MDN1: variants seen among roughly 807,000 people sequenced by gnomAD.
MDN1 encodes midasin.
In MDN1, 266 loss-of-function variants were observed where a neutral mutation model predicts 669.2. That is an observed-to-expected ratio of 0.40 (90% CI 0.36 to 0.44). The LOEUF (loss-of-function observed/expected upper bound fraction) is 0.44, where lower values mean the gene tolerates loss of function less well. Ranked by LOEUF, MDN1 falls within the 20% of genes least tolerant of loss-of-function variation. MDN1 has a pLI of 1.00. For missense variants in MDN1, 5,940 were observed against 6,754.0 expected, an observed-to-expected ratio of 0.88 and a Z score of 4.22; for synonymous variants, 2,385 against 2,457.1, an observed-to-expected ratio of 0.97 and a Z score of 0.87.
chr6:89,712,830 G>T, intron 47 of MDN1, 44 bp from the exon 48 acceptor site: 1 of 1,566,040 alleles, frequency 6.4e-7, no homozygotes, highest in Non-Finnish European at 8.8e-7. Context: ...CAACATAAAA[G>T]TGATATTCCC....
At chr6:89,747,501 G>A (rs1178200207) in intron 26 of MDN1, 31 bp from the exon 27 acceptor site, 1 of 1,598,598 alleles carries the variant, frequency 6.3e-7, no homozygotes, top group Non-Finnish European at 8.5e-7. Context: ...ATGAAAAGGG[G>A]CATCAGCTGC....
At chr6:89,768,929 GCAGTCCCACAGCTGCTCAGGAGGCT>G (rs2128322152) in intron 15 of MDN1, among the ~76,000 whole-genome samples, 1 of 152,004 alleles carries the variant, frequency 6.6e-6, no homozygotes, top group East Asian at 1.9e-4. Flanking sequence ...GCTTGTGCTT[GCAGTCCCACAGCTGCTCAGGAGGCT>G]GAGATGGAAG....
chr6:89,655,175 C>G (rs1809167164), intron 92 of MDN1, among the ~76,000 whole-genome samples: 1 of 152,038 alleles, frequency 6.6e-6, no homozygotes, highest in Non-Finnish European at 1.5e-5. Context: ...TTCGTACCAT[C>G]CTAAATGGTA....
chr6:89,710,657 G>T, intron 50 of MDN1, 24 bp downstream of exon 50: 1 of 1,367,606 alleles, frequency 7.3e-7, no homozygotes, highest in Non-Finnish European at 1.0e-6. Context: ...ACAGTGCTGA[G>T]AGCTAGAAAT....
At chr6:89,816,598 C>T (rs1228995586) in intron 1 of MDN1, among the ~76,000 whole-genome samples, 1 of 151,562 alleles carries the variant, frequency 6.6e-6, no homozygotes, top group Non-Finnish European at 1.5e-5. Context: ...GAAACATTTG[C>T]AATCTGTTCT....
chr6:89,656,890 C>T, intron 90 of MDN1, 89 bp from the exon 91 acceptor site: 1 of 1,077,912 alleles, frequency 9.3e-7, no homozygotes, highest in Non-Finnish European at 1.4e-6. Context: ...ACTTCTCTCA[C>T]TGCTGTCCTT....
intron 84 of MDN1, among the ~76,000 whole-genome samples, chr6:89,665,060 A>G (rs568157697): frequency 3.9e-5 from 6 of 152,226 alleles, no homozygotes; most frequent in African/African-American, 1.4e-4. Flanking sequence ...ACAGTGTCTC[A>G]CTATGTTGCC....
At chr6:89,781,108 C>T (rs773163033) in intron 10 of MDN1, 54 of 379,626 alleles carry the variant, frequency 1.4e-4, no homozygotes, top group Non-Finnish European at 1.8e-4. Flanking sequence ...TGTTAGGAGC[C>T]ACTCCCAAGT....
Position 89,793,792 on chromosome 6 carries a change from C to A in MDN1, c.825G>T (p.Leu275=), listed in dbSNP as rs749846691. ...CTCCAGGGGCTGGCAGCTGCCCAGGCAGCACCACACCACAAACAGCTGTCA... is the reference window on the plus strand; with the variant it reads ...CTCCAGGGGCTGGCAGCTGCCCAGGAAGCACCACACCACAAACAGCTGTCA... The part of the protein sequence containing the change: ...PRVTAVCGVV[L]PGQLPAPGEL... The change falls in exon 5 of 102, where the codon CTG becomes CTT. Residue 275 remains leucine (L), a synonymous_variant. Transcript: ENST00000369393. 7 of 1,614,012 alleles carry A rather than the reference C, an allele frequency of 4.3e-6. No individual in the cohort carries two copies. The highest frequency in any genetic ancestry group is 5.9e-6 in the Non-Finnish European group (7 of 1,179,932).
chr6:89,701,061 G>A (rs1432676592), intron 55 of MDN1, among the ~76,000 whole-genome samples: 1 of 152,236 alleles, frequency 6.6e-6, no homozygotes, highest in Non-Finnish European at 1.5e-5. Flanking sequence ...TCAGGAATAA[G>A]TAAGATGATA....
At chr6:89,762,619 A>C in intron 15 of MDN1, 89 bp from the exon 16 acceptor site, 1 of 900,222 alleles carries the variant, frequency 1.1e-6, no homozygotes, top group Admixed American at 2.6e-5. Flanking sequence ...AGTAGGTCTC[A>C]GATTTCATTT....
Position 89,723,752 on chromosome 6 carries a change from T to C in MDN1, c.5671-133A>G, listed in dbSNP as rs554727900. ...ACATGAGAAATATAATTTTCAGTTATAGAAATTTCTTTTTTTGTGTTTTGA... is the reference window on the plus strand; with the variant it reads ...ACATGAGAAATATAATTTTCAGTTACAGAAATTTCTTTTTTTGTGTTTTGA... On this transcript the variant is annotated intron_variant, in intron 38 of 101. Transcript: ENST00000369393. 5.9e-5 allele frequency: 29 copies of C among 490,040 alleles called. No homozygotes were observed. In the East Asian group the frequency reaches 9.9e-4, roughly 17 times the overall value. The allele number at this position is 490,040 out of a possible 1,614,324, so 30.4% of individuals were successfully genotyped here. A position where few individuals can be genotyped will look rare whatever the true frequency, so the allele number is the denominator to read the frequency against.
chr6:89,690,585 T>TA, intron 64 of MDN1, 88 bp downstream of exon 64: 1 of 1,490,714 alleles, frequency 6.7e-7, no homozygotes, highest in Non-Finnish European at 9.2e-7. Context: ...GAGAGAGAGA[T>TA]AAAGAGGAAG....
intron 21 of MDN1, 71 bp from the exon 22 acceptor site, chr6:89,753,693 C>G (rs1454050561): frequency 1.6e-6 from 2 of 1,235,350 alleles, no homozygotes; most frequent in Non-Finnish European, 1.2e-6. Context: ...ATTTCCAGAA[C>G]AAAATTTAAC....
intron 85 of MDN1, among the ~76,000 whole-genome samples, chr6:89,664,123 C>T (rs993418263): frequency 3.3e-5 from 5 of 152,156 alleles, no homozygotes; most frequent in Non-Finnish European, 7.4e-5. Flanking sequence ...CTACAACAAA[C>T]ACCTACTATT....
At chr6:89,722,865 A>T (rs2016744) in intron 40 of MDN1, 90 bp downstream of exon 40, 521,097 of 838,174 alleles carry the variant, frequency 0.62, 146,243 homozygotes, top group East Asian at 0.79. Context: ...AAAAAAAAAA[A>T]AAGGCTTGCA....
intron 15 of MDN1, among the ~76,000 whole-genome samples, chr6:89,766,268 C>T (rs958477084): frequency 2.0e-5 from 3 of 151,200 alleles, no homozygotes; most frequent in Non-Finnish European, 4.4e-5. Flanking sequence ...TGCTGCACTC[C>T]AGCCTGGGCG....
Position 89,794,687 on chromosome 6 carries a change from T to A in MDN1, c.444A>T (p.Leu148=). The A allele has an allele frequency of 6.2e-7, 1 of 1,614,176 alleles. No individual in the cohort carries two copies. Among genetic ancestry groups the A allele is most frequent in the East Asian group, 2.2e-5 (1 of 44,880 alleles). ...YGRRRMKLRD[L]MEAAFKFLQQ... is the part of the protein sequence containing the mutation. ...GCAGAAACTTGAAGGCTGCTTCCATTAGGTCCCGGAGCTTCATCCTCCTAC... is the reference window on the plus strand; with the variant it reads ...GCAGAAACTTGAAGGCTGCTTCCATAAGGTCCCGGAGCTTCATCCTCCTAC... Residue 148 remains leucine, a synonymous_variant, in exon 3 of 102, where the codon CTA becomes CTT. Coordinates refer to ENST00000369393, the MANE Select transcript of MDN1 (RefSeq NM_014611.3).
chr6:89,747,714 AC>A (rs1384868164), intron 26 of MDN1, among the ~76,000 whole-genome samples: 6 of 150,158 alleles, frequency 4.0e-5, no homozygotes, highest in Middle Eastern at 3.5e-3. Flanking sequence ...ACATGGTGAA[AC>A]CCCGTCTCTA....
Sources: gnomAD v4.1 joint callset for allele counts (sites outside exome capture counted in the v4.1 genomes callset) on GRCh38, gnomAD v4.1.1 for gene constraint, MANE v1.5 for transcripts, NCBI Gene and HGNC (gene_info 2026-07-23, HGNC 2026-07-21) for gene names.